Variants in GOLM2 observed in about 807,000 individuals in gnomAD.
GOLM2 encodes golgi membrane protein 2, also known as protein GOLM2.
A neutral mutation model predicts 55.9 loss-of-function variants in GOLM2; 26 were observed. The observed-to-expected ratio is 0.47, with a 90% CI of 0.34 to 0.65. The LOEUF is 0.65. Among genes scored for constraint, GOLM2 ranks in the 30% least tolerant of loss-of-function variants. GOLM2 has a pLI of 0.01. For missense variants in GOLM2, 486 were observed against 531.8 expected, an observed-to-expected ratio of 0.91 and a Z score of 0.85; for synonymous variants, 165 against 194.6, an observed-to-expected ratio of 0.85 and a Z score of 1.27.
intron 6 of GOLM2, among the ~76,000 whole-genome samples, chr15:44,371,799 G>T (rs1372718593): frequency 6.6e-6 from 1 of 152,090 alleles, no homozygotes; most frequent in Non-Finnish European, 1.5e-5. Context: ...TCAATAAATT[G>T]ATTAGTTTTA....
chr15:44,325,513 AT>A (rs1163792406), intron 2 of GOLM2, among the ~76,000 whole-genome samples: 1 of 152,164 alleles, frequency 6.6e-6, no homozygotes, highest in Non-Finnish European at 1.5e-5. Flanking sequence ...TATTTCAGGT[AT>A]TTTACAGCAT....
chr15:44,343,509 A>AC (rs1253881257), intron 6 of GOLM2, among the ~76,000 whole-genome samples: 1 of 151,886 alleles, frequency 6.6e-6, no homozygotes, highest in East Asian at 1.9e-4. Context: ...AGAGGCAGTA[A>AC]CCCCAAAGAG....
At chr15:44,318,417 G>A (rs1432468255) in intron 1 of GOLM2, among the ~76,000 whole-genome samples, 1 of 152,174 alleles carries the variant, frequency 6.6e-6, no homozygotes, top group East Asian at 1.9e-4. Context: ...TTTTAAAATT[G>A]CAAATTGGGA....
intron 1 of GOLM2, among the ~76,000 whole-genome samples, chr15:44,313,719 C>A (rs2078889481): frequency 6.6e-6 from 1 of 152,154 alleles, no homozygotes; most frequent in South Asian, 2.1e-4. Flanking sequence ...TATAGTAATT[C>A]TTTGTGATTC....
At chr15:44,356,857 A>G (rs2079201589) in intron 6 of GOLM2, among the ~76,000 whole-genome samples, 1 of 152,192 alleles carries the variant, frequency 6.6e-6, no homozygotes, top group African/African-American at 2.4e-5. Context: ...AATATTAGCA[A>G]GTTGAATTCA....
At chr15:44,297,126 T>C (rs1346347474) in intron 1 of GOLM2, among the ~76,000 whole-genome samples, 1 of 152,234 alleles carries the variant, frequency 6.6e-6, no homozygotes, top group African/African-American at 2.4e-5. Flanking sequence ...GTGTATCATA[T>C]TGAGTGCTTC....
chr15:44,294,883 G>A (rs2078745744), intron 1 of GOLM2, among the ~76,000 whole-genome samples: 1 of 150,628 alleles, frequency 6.6e-6, no homozygotes, highest in African/African-American at 2.4e-5. Flanking sequence ...AACAGAGTAA[G>A]ACTCTGTCTC....
intron 2 of GOLM2, among the ~76,000 whole-genome samples, chr15:44,326,165 G>A (rs564752673): frequency 6.6e-6 from 1 of 151,834 alleles, no homozygotes; most frequent in Non-Finnish European, 1.5e-5. Context: ...AGGAGGCTGA[G>A]GCAGGAGAAT....
rs137921672 is a variant in GOLM2, at chr15:44,347,231, A to G, written c.802+8914A>G. ...GTAGCACCAAATTTGACAACTGTCT[A>G]CACAGAAAAGTACCTTCATGAGAGC... is the stretch of plus-strand genomic sequence containing the variant. On this transcript the variant is annotated intron_variant, in intron 6 of 9. Coordinates refer to ENST00000299957, the MANE Select transcript of GOLM2 (RefSeq NM_138423.4). Among the ~76,000 whole-genome samples, 732 of 152,334 alleles carry G rather than the reference A, an allele frequency of 4.8e-3. 4 individuals carry two copies. Among genetic ancestry groups the G allele is most frequent in the African/African-American group, 0.017 (699 of 41,576 alleles).
At chr15:44,379,618 GTTTT>G (rs559031072) in intron 6 of GOLM2, 68 bp from the exon 7 acceptor site, 76 of 428,150 alleles carry the variant, frequency 1.8e-4, no homozygotes, top group Middle Eastern at 7.5e-4. Context: ...ATTCACGGTG[GTTTT>G]TTTTTTTTTT....
intron 8 of GOLM2, among the ~76,000 whole-genome samples, chr15:44,382,935 A>AG (rs2079414299): frequency 6.6e-6 from 1 of 150,932 alleles, no homozygotes. Flanking sequence ...AAAAAAAAAA[A>AG]AAAGAAAAGA....
chr15:44,346,826 T>A (rs943827716), intron 6 of GOLM2, among the ~76,000 whole-genome samples: 11 of 152,132 alleles, frequency 7.2e-5, no homozygotes, highest in Non-Finnish European at 1.5e-4. Context: ...AAAAAAATCA[T>A]TATTTAAAAA....
chr15:44,345,371 C>T (rs536440218), intron 6 of GOLM2, among the ~76,000 whole-genome samples: 1 of 151,224 alleles, frequency 6.6e-6, no homozygotes, highest in East Asian at 2.0e-4. Context: ...CTCCCGGGTT[C>T]ATGCCAGCCT....
At chr15:44,292,171 ATGTG>A (rs1309461212) in intron 1 of GOLM2, among the ~76,000 whole-genome samples, 34 of 149,268 alleles carry the variant, frequency 2.3e-4, no homozygotes, top group African/African-American at 8.4e-4. Flanking sequence ...GTGTGTGTAT[ATGTG>A]TATACATACA....
chr15:44,368,575 C>T (rs1555424916), intron 6 of GOLM2, among the ~76,000 whole-genome samples: 1 of 151,830 alleles, frequency 6.6e-6, no homozygotes, highest in Non-Finnish European at 1.5e-5. Flanking sequence ...TAAGCCCAGT[C>T]AGCATATATT....
intron 4 of GOLM2, among the ~76,000 whole-genome samples, chr15:44,333,447 C>T (rs1471754269): frequency 6.6e-6 from 1 of 152,086 alleles, no homozygotes; most frequent in East Asian, 1.9e-4. Context: ...TTTCTTTCTC[C>T]ATTTCATTTT....
intron 8 of GOLM2, among the ~76,000 whole-genome samples, chr15:44,395,638 AAG>A (rs1279755889): frequency 6.6e-6 from 1 of 151,720 alleles, no homozygotes; most frequent in Non-Finnish European, 1.5e-5. Context: ...TCAAAAGATC[AAG>A]ACCATCCTGG....
intron 8 of GOLM2, among the ~76,000 whole-genome samples, chr15:44,398,760 G>A (rs768884532): frequency 4.2e-5 from 6 of 142,082 alleles, no homozygotes; most frequent in South Asian, 2.4e-4. Context: ...TCCACCTCCC[G>A]GGTTCAAGCG....
intron 8 of GOLM2, among the ~76,000 whole-genome samples, chr15:44,397,889 C>G (rs1466324287): frequency 6.6e-6 from 1 of 152,172 alleles, no homozygotes. Context: ...AGTTTCCAGG[C>G]TAGGATTTGG....
Sources: allele counts gnomAD v4.1 joint callset (sites outside exome capture counted in the v4.1 genomes callset), GRCh38; gene constraint gnomAD v4.1.1; transcripts MANE v1.5; gene names NCBI Gene and HGNC (gene_info 2026-07-23, HGNC 2026-07-21).